The following GRM8 variants were observed in gnomAD, a reference collection of about 807,000 sequenced individuals.
GRM8 encodes glutamate metabotropic receptor 8.
GRM8 carries 47 observed loss-of-function variants against 87.2 expected under a neutral mutation model. That is an observed-to-expected ratio of 0.54 (90% CI 0.43 to 0.69). The LOEUF is 0.69. Among genes scored for constraint, GRM8 ranks in the 30% least tolerant of loss-of-function variants. The probability of loss-of-function intolerance (pLI) is 0.00; values close to 1 mark genes in which losing one functional copy is unlikely to be tolerated. For synonymous variants in GRM8, 396 were observed against 404.5 expected (o/e 0.98, Z 0.25); for missense variants, 1,019 against 1,139.2 (o/e 0.89, Z 1.52).
chr7:126,646,225 A>C (rs1001491075), intron 7 of GRM8, among the ~76,000 whole-genome samples: 1 of 150,312 alleles, frequency 6.7e-6, no homozygotes, highest in African/African-American at 2.4e-5. Flanking sequence ...TCAGGGTGGA[A>C]GAGAGAGAAG....
intron 8 of GRM8, among the ~76,000 whole-genome samples, chr7:126,597,998 A>G (rs1169572072): frequency 6.6e-6 from 1 of 152,032 alleles, no homozygotes; most frequent in African/African-American, 2.4e-5. Context: ...CTATAGTGCT[A>G]TTGAACACTA....
intron 9 of GRM8, among the ~76,000 whole-genome samples, chr7:126,454,058 C>T (rs574493932): frequency 2.6e-4 from 40 of 151,260 alleles, no homozygotes; most frequent in East Asian, 3.9e-4. Flanking sequence ...ATCATTTGAA[C>T]GGATATCAAA....
Position 126,784,260 on chromosome 7 carries a change from CA to C in GRM8, c.1157-14196del, listed in dbSNP as rs894186123. ...TCATTATTACCCTTGTGTACAAAAACAAAAAAAAATTGAAAACAGTTTCATC... is the reference window on the plus strand; with the variant it reads ...TCATTATTACCCTTGTGTACAAAAACAAAAAAAATTGAAAACAGTTTCATC... On this transcript the variant is annotated intron_variant, in intron 6 of 10. Coordinates refer to ENST00000339582, the MANE Select transcript of GRM8 (RefSeq NM_000845.3). Among the ~76,000 whole-genome samples, 40 of 150,500 alleles carry C rather than the reference CA, an allele frequency of 2.7e-4. 1 individual carries two copies. Among genetic ancestry groups the C allele is most frequent in the African/African-American group, 8.5e-4 (35 of 41,152 alleles).
intron 3 of GRM8, among the ~76,000 whole-genome samples, chr7:127,027,187 G>T (rs946160172): frequency 6.6e-6 from 1 of 152,026 alleles, no homozygotes; most frequent in Non-Finnish European, 1.5e-5. Context: ...CTGTCCCATT[G>T]GTCTATATAT....
intron 3 of GRM8, among the ~76,000 whole-genome samples, chr7:127,055,837 T>C (rs1239897083): frequency 6.6e-6 from 1 of 151,862 alleles, no homozygotes; most frequent in Non-Finnish European, 1.5e-5. Context: ...GCGAAGTGAA[T>C]TGCTAGGGTA....
intron 3 of GRM8, among the ~76,000 whole-genome samples, chr7:127,032,645 TTAAC>T (rs1453976785): frequency 6.6e-6 from 1 of 152,122 alleles, no homozygotes; most frequent in Non-Finnish European, 1.5e-5. Context: ...GCCCAAATCT[TTAAC>T]TATGCATGAA....
At position 126,507,298 on chromosome 7, in the gene GRM8, G is replaced by T. The variant is rs1810635027; in HGVS notation, c.2430+25654C>A. ...AGCTCTGTCACTCACCTATCTTTGT[G>T]ACCTCAGGCAAATCACCTCCTTTCT... is the stretch of plus-strand genomic sequence containing the variant. On this transcript the variant is annotated intron_variant, in intron 9 of 10. Coordinates refer to ENST00000339582, the MANE Select transcript of GRM8 (RefSeq NM_000845.3). Among the ~76,000 whole-genome samples, 4 of 152,170 alleles carry T rather than the reference G, an allele frequency of 2.6e-5. 1 individual carries two copies. The highest frequency in any genetic ancestry group is 9.6e-5 in the African/African-American group (4 of 41,552).
At chr7:126,689,810 G>A (rs943634758) in intron 7 of GRM8, among the ~76,000 whole-genome samples, 2 of 152,132 alleles carry the variant, frequency 1.3e-5, no homozygotes, top group South Asian at 2.1e-4. Flanking sequence ...ATAAGCAGAA[G>A]CTTCTGCATG....
chr7:126,639,443 T>C (rs1016739966), intron 7 of GRM8, among the ~76,000 whole-genome samples: 6 of 152,122 alleles, frequency 3.9e-5, no homozygotes, highest in Admixed American at 2.0e-4. Context: ...AGAAGGGACA[T>C]GAAGACAATT....
rs145919622 is a variant in GRM8 at position 126,651,326 on chromosome 7, G to A, written c.1358-41828C>T. On this transcript the variant is annotated intron_variant, in intron 7 of 10. Transcript: ENST00000339582. ...AGCTGGATTGACAGAATGGCAGAAT[G>A]GCCTTTTGAAGTCACAATTAAAATG... is the stretch of plus-strand genomic sequence containing the variant. 2.0e-5 allele frequency among the ~76,000 whole-genome samples: 3 copies of A among 152,300 alleles called. No individual in the cohort carries two copies. The East Asian group carries it at 5.8e-4, about 29-fold the overall frequency.
chr7:127,133,881 AT>A (rs1359878424), intron 2 of GRM8, among the ~76,000 whole-genome samples: 1 of 152,058 alleles, frequency 6.6e-6, no homozygotes, highest in Non-Finnish European at 1.5e-5. Flanking sequence ...GGAAAAGTGT[AT>A]TTCTTGGCAG....
intron 2 of GRM8, among the ~76,000 whole-genome samples, chr7:127,242,065 C>A (rs1563603732): frequency 6.6e-6 from 1 of 152,042 alleles, no homozygotes; most frequent in African/African-American, 2.4e-5. Flanking sequence ...ATTTATCCTG[C>A]TAAATTTGAA....
chr7:127,015,678 T>A (rs952318480), intron 3 of GRM8, among the ~76,000 whole-genome samples: 3 of 152,080 alleles, frequency 2.0e-5, no homozygotes, highest in Admixed American at 2.0e-4. Flanking sequence ...CATAAAATGA[T>A]AAAGAGAATG....
intron 9 of GRM8, among the ~76,000 whole-genome samples, chr7:126,520,370 A>G (rs185012310): frequency 6.6e-6 from 1 of 152,256 alleles, no homozygotes; most frequent in East Asian, 1.9e-4. Flanking sequence ...GGTTTTAGAT[A>G]GCTTAATTTC....
chr7:126,516,574 A>C (rs1007983649), intron 9 of GRM8, among the ~76,000 whole-genome samples: 1 of 152,300 alleles, frequency 6.6e-6, no homozygotes, highest in East Asian at 1.9e-4. Context: ...GCAAGCATCT[A>C]TGATTTCCTG....
At position 126,569,987 on chromosome 7, in the gene GRM8, C is replaced by G. The variant is rs564103574; in HGVS notation, c.1495-36100G>C. On this transcript the variant is annotated intron_variant, in intron 8 of 10. Coordinates refer to ENST00000339582, the MANE Select transcript of GRM8 (RefSeq NM_000845.3). ...AGATGTAATTTTCTTTCTCCATAGT[C>G]ACCTGAATTGAGTCTATTATTTATC... 3.4e-4 allele frequency among the ~76,000 whole-genome samples: 52 copies of G among 152,290 alleles called. 1 individual carries two copies. The East Asian group carries it at 9.5e-3, about 28-fold the overall frequency.
At chr7:127,155,613 G>A (rs1330033745) in intron 2 of GRM8, among the ~76,000 whole-genome samples, 1 of 152,014 alleles carries the variant, frequency 6.6e-6, no homozygotes, top group African/African-American at 2.4e-5. Flanking sequence ...AACCATGCAG[G>A]AAACAAAAAG....
At chr7:127,076,508 G>A (rs549760519) in intron 3 of GRM8, among the ~76,000 whole-genome samples, 11 of 152,306 alleles carry the variant, frequency 7.2e-5, no homozygotes, top group African/African-American at 1.7e-4. Context: ...GAGGATTAGC[G>A]CCTGACGTGG....
At chr7:126,911,835 T>G (rs550548957) in intron 3 of GRM8, among the ~76,000 whole-genome samples, 260 of 152,334 alleles carry the variant, frequency 1.7e-3, no homozygotes, top group Admixed American at 5.1e-3. Context: ...ATGATTCATT[T>G]TATGTATCAG....
Sources: allele counts gnomAD v4.1 joint callset (sites outside exome capture counted in the v4.1 genomes callset), GRCh38; gene constraint gnomAD v4.1.1; transcripts MANE v1.5; gene names NCBI Gene and HGNC (gene_info 2026-07-23, HGNC 2026-07-21).